CTBP2: variants seen among roughly 807,000 people sequenced by gnomAD.
CTBP2 encodes C-terminal binding protein 2, also known as C-terminal-binding protein 2.
CTBP2 carries 30 observed loss-of-function variants against 80.3 expected under a neutral mutation model. The ratio of observed to expected loss-of-function variants is 0.37; its 90% CI spans 0.28 to 0.51. The LOEUF is 0.51. Ranked by LOEUF, CTBP2 falls within the 20% of genes least tolerant of loss-of-function variation. The pLI, the probability that CTBP2 is intolerant of heterozygous loss-of-function variation, is 0.93. For synonymous variants in CTBP2, 594 were observed against 587.4 expected, an observed-to-expected ratio of 1.01 and a Z score of -0.16; for missense variants, 1,212 against 1,375.3, an observed-to-expected ratio of 0.88 and a Z score of 1.88.
At chr10:125,153,666 A>T (rs117174719) in intron 1 of CTBP2, among the ~76,000 whole-genome samples, 16 of 152,116 alleles carry the variant, frequency 1.1e-4, no homozygotes, top group Middle Eastern at 3.4e-3. Flanking sequence ...GGCCACTTAC[A>T]CCATAAAATG....
At chr10:125,068,318 T>C (rs905809998) in intron 2 of CTBP2, among the ~76,000 whole-genome samples, 5 of 152,370 alleles carry the variant, frequency 3.3e-5, no homozygotes, top group African/African-American at 1.2e-4. Context: ...AAACTTCATC[T>C]ACATTAAAGA....
intron 1 of CTBP2, among the ~76,000 whole-genome samples, chr10:125,139,383 A>C (rs1311469018): frequency 2.6e-5 from 4 of 152,026 alleles, no homozygotes; most frequent in African/African-American, 9.6e-5. Flanking sequence ...TCAAAAAAAA[A>C]AAAAAAAAAA....
intron 1 of CTBP2, among the ~76,000 whole-genome samples, chr10:125,016,754 C>T (rs557890389): frequency 2.0e-4 from 30 of 152,348 alleles, no homozygotes; most frequent in Non-Finnish European, 4.4e-5. Flanking sequence ...GGCTGGATGC[C>T]GCCTCCACTC....
intron 7 of CTBP2, 81 bp downstream of exon 9, chr10:124,993,121 C>T: frequency 6.6e-7 from 1 of 1,511,130 alleles, no homozygotes; most frequent in Non-Finnish European, 8.9e-7. Context: ...TCGAGAGCTG[C>T]CTGTAGCCAG....
chr10:125,002,475 C>A (rs1314197484), intron 3 of CTBP2, among the ~76,000 whole-genome samples: 1 of 152,236 alleles, frequency 6.6e-6, no homozygotes, highest in African/African-American at 2.4e-5. Context: ...TGCTTTGGTG[C>A]TGACCTGGAC....
At chr10:125,151,748 G>A (rs960622558) in intron 1 of CTBP2, among the ~76,000 whole-genome samples, 2 of 152,176 alleles carry the variant, frequency 1.3e-5, no homozygotes, top group Non-Finnish European at 2.9e-5. Context: ...CCAACCTGGT[G>A]TCCCGCGTGG....
intron 1 of CTBP2, among the ~76,000 whole-genome samples, chr10:125,117,767 T>C (rs951618898): frequency 3.9e-5 from 6 of 152,214 alleles, no homozygotes; most frequent in Middle Eastern, 3.2e-3. Flanking sequence ...TTAATTAGCT[T>C]GGAAACAATT....
At chr10:125,086,701 C>T (rs1848038346) in intron 2 of CTBP2, among the ~76,000 whole-genome samples, 1 of 151,938 alleles carries the variant, frequency 6.6e-6, no homozygotes, top group South Asian at 2.1e-4. Flanking sequence ...AACTTGGGCC[C>T]TCATCAGACA....
chr10:125,027,564 C>T lies in CTBP2; in HGVS notation c.196G>A (p.Ala66Thr), dbSNP rs770632959. 2.0e-5 allele frequency: 33 copies of T among 1,613,960 alleles called. No homozygotes were observed. Among genetic ancestry groups the T allele is most frequent in the South Asian group, 7.7e-5 (7 of 91,086 alleles). Residue 66 changes from alanine (A) to threonine (T), a missense_variant, in exon 1 of 9, where the codon GCC becomes ACC. By Grantham distance (58) the Ala-to-Thr change is moderately conservative. Around this residue, in one of 3 missense-constraint regions of CTBP2, gnomAD observed 848 missense variants for 782.3 expected, o/e 1.08. Transcript: ENST00000309035. ...GCCTCCCGGTACAGGTAGGGCTCGG[C>T]GGCCACGGGCAGGGCAGCGTCCTGT...
At position 125,125,423 on chromosome 10, in the gene CTBP2, C is replaced by T. The variant is rs1041093055; in HGVS notation, c.-205-14330G>A. On this transcript the variant is annotated intron_variant, in intron 1 of 10. Coordinates refer to the CTBP2 transcript ENST00000337195. ...TAGGAAAGCAAACCTTGTCAATATC[C>T]GGTGTTTGGGAATCTCTGAAGACAA... Among the ~76,000 whole-genome samples, 5 of 152,090 alleles carry T rather than the reference C, an allele frequency of 3.3e-5. No individual in the cohort carries two copies. The East Asian group carries it at 7.7e-4, about 23-fold the overall frequency.
intron 1 of CTBP2, among the ~76,000 whole-genome samples, chr10:125,116,420 A>G (rs911461463): frequency 5.9e-5 from 9 of 152,030 alleles, no homozygotes; most frequent in African/African-American, 2.2e-4. Context: ...GTACCCAGGA[A>G]ATGTCCCACC....
chr10:125,081,522 G>A (rs1208707830), intron 2 of CTBP2, among the ~76,000 whole-genome samples: 1 of 152,158 alleles, frequency 6.6e-6, no homozygotes, highest in Non-Finnish European at 1.5e-5. Context: ...TATATACTCT[G>A]TGCGTGTGTT....
intron 2 of CTBP2, among the ~76,000 whole-genome samples, chr10:125,102,037 AC>A (rs1850706531): frequency 6.6e-6 from 1 of 152,120 alleles, no homozygotes; most frequent in African/African-American, 2.4e-5. Flanking sequence ...GTCATTCTTG[AC>A]TAAGCTCTTA....
chr10:125,026,766 C>T lies in CTBP2; in HGVS notation c.994G>A (p.Val332Ile), dbSNP rs200267736. ...CGGGCCTGGCCCAGGTTGGGTGCGA[C>T]AGACTTGATATCCGCGTCCTCCAGG... The change falls in exon 1 of 9, where the codon GTC becomes ATC. Residue 332 changes from valine to isoleucine, a missense_variant. Val to Ile is a conservative substitution (Grantham distance 29). Coordinates refer to ENST00000309035, the MANE Select transcript of CTBP2 (RefSeq NM_022802.3). 300 of 1,613,088 alleles carry T rather than the reference C, an allele frequency of 1.9e-4. 3 individuals carry two copies. The South Asian group carries it at 2.4e-3, about 13-fold the overall frequency.
rs138763163 is a variant in CTBP2, at chr10:125,125,153, C to G, written c.-205-14060G>C. Among the ~76,000 whole-genome samples, 948 of 152,288 alleles carry G rather than the reference C, an allele frequency of 6.2e-3. 13 individuals carry two copies. The highest frequency in any genetic ancestry group is 0.021 in the African/African-American group (889 of 41,542). On this transcript the variant is annotated intron_variant, in intron 1 of 10. Transcript: ENST00000337195. ...TCCAGTTTTCTTCCCAGATGGCTTG[C>G]TGAACTCTGTGTAACCCAATGTTGG...
intron 2 of CTBP2, among the ~76,000 whole-genome samples, chr10:125,091,240 C>T (rs1037287177): frequency 6.6e-6 from 1 of 152,142 alleles, no homozygotes; most frequent in Admixed American, 6.5e-5. Flanking sequence ...TCTGCCATAT[C>T]GAATGGGAAT....
intron 1 of CTBP2, among the ~76,000 whole-genome samples, chr10:125,006,357 G>A (rs977797052): frequency 1.3e-5 from 2 of 152,294 alleles, no homozygotes; most frequent in African/African-American, 4.8e-5. Context: ...GAGGTGCAGG[G>A]ATATGGAGGC....
intron 1 of CTBP2, among the ~76,000 whole-genome samples, chr10:125,019,245 A>G (rs951536766): frequency 2.0e-5 from 3 of 152,178 alleles, no homozygotes; most frequent in African/African-American, 4.8e-5. Context: ...ACACCTGACA[A>G]CTGCACGTTT....
At chr10:125,059,125 A>G (rs1487786160) in intron 2 of CTBP2, among the ~76,000 whole-genome samples, 1 of 152,056 alleles carries the variant, frequency 6.6e-6, no homozygotes, top group Non-Finnish European at 1.5e-5. Flanking sequence ...CTGGTGCTAA[A>G]CAAAGTGTGG....
Sources: allele counts gnomAD v4.1 joint callset (sites outside exome capture counted in the v4.1 genomes callset), GRCh38; gene constraint gnomAD v4.1.1; regional missense constraint gnomAD v4.1.1; transcripts MANE v1.5; gene names NCBI Gene and HGNC (gene_info 2026-07-23, HGNC 2026-07-21).